BACH2: variants seen among roughly 807,000 people sequenced by gnomAD.
BACH2 encodes BACH transcriptional regulator 2.
In BACH2, 5 loss-of-function variants were observed where a neutral mutation model predicts 61.8. That is an observed-to-expected ratio of 0.08 (90% CI 0.04 to 0.17). The LOEUF is 0.17. Among genes scored for constraint, BACH2 ranks in the 10% least tolerant of loss-of-function variants. The pLI is 1.00. For missense variants in BACH2, 824 were observed against 1,091.1 expected (o/e 0.76, Z 3.45); for synonymous variants, 446 against 440.1 (o/e 1.01, Z -0.17).
At chr6:90,204,511 C>T (rs964798146) in intron 4 of BACH2, among the ~76,000 whole-genome samples, 1 of 152,096 alleles carries the variant, frequency 6.6e-6, no homozygotes, top group Non-Finnish European at 1.5e-5. Context: ...AAAGAACGTA[C>T]TGAGCCACTC....
rs147193617 is a variant in BACH2, at chr6:89,951,576, T to C, written c.530A>G (p.Lys177Arg). ...EEETMDSETA[K>R]MACPRDQMLP... is the part of the protein sequence containing the mutation. ...CATCTGGTCCCTGGGGCAAGCCATC[T>C]TGGCCGTCTCTGAATCCATCGTCTC... Residue 177 changes from lysine to arginine, a missense_variant, in exon 7 of 9, where the codon AAG (lysine) becomes AGG (arginine). Coordinates refer to ENST00000257749, the MANE Select transcript of BACH2 (RefSeq NM_021813.4). The surrounding 1 kb of genome is among the most constrained non-coding windows in gnomAD (Gnocchi z 6.4). The C allele has an allele frequency of 3.1e-6, 5 of 1,614,178 alleles. No individual in the cohort carries two copies. The highest frequency in any genetic ancestry group is 1.3e-5 in the African/African-American group (1 of 75,070).
intron 4 of BACH2, among the ~76,000 whole-genome samples, chr6:90,132,511 T>C (rs1784112658): frequency 6.6e-6 from 1 of 152,220 alleles, no homozygotes. Flanking sequence ...AATATTCATA[T>C]TCAGTTTTCA....
At chr6:90,276,806 AG>A (rs1487097730) in intron 1 of BACH2, among the ~76,000 whole-genome samples, 1 of 152,150 alleles carries the variant, frequency 6.6e-6, no homozygotes, top group Non-Finnish European at 1.5e-5. Flanking sequence ...ATCACACCTT[AG>A]TTTTCCACTA....
At chr6:89,957,489 C>A (rs1774488760) in intron 6 of BACH2, among the ~76,000 whole-genome samples, 1 of 152,040 alleles carries the variant, frequency 6.6e-6, no homozygotes, top group Non-Finnish European at 1.5e-5. Flanking sequence ...CTCAGCCTCC[C>A]AAAGTACTAG....
intron 6 of BACH2, among the ~76,000 whole-genome samples, chr6:90,001,975 C>T (rs189065918): frequency 2.6e-5 from 4 of 152,366 alleles, no homozygotes; most frequent in Middle Eastern, 3.4e-3. Context: ...GCCTTATTCT[C>T]TCTAGAACAC....
At chr6:90,108,567 C>T (rs1477381772) in intron 4 of BACH2, among the ~76,000 whole-genome samples, 3 of 152,164 alleles carry the variant, frequency 2.0e-5, no homozygotes, top group African/African-American at 7.2e-5. Flanking sequence ...CTTCTTCCTT[C>T]CCAGCTTGGG....
At chr6:90,066,258 A>G (rs1780958892) in intron 5 of BACH2, among the ~76,000 whole-genome samples, 1 of 152,184 alleles carries the variant, frequency 6.6e-6, no homozygotes, top group Admixed American at 6.5e-5. Flanking sequence ...AACACTGCAC[A>G]GGAATTCACG....
intron 5 of BACH2, among the ~76,000 whole-genome samples, chr6:90,012,584 G>A (rs987693212): frequency 1.3e-5 from 2 of 150,696 alleles, no homozygotes; most frequent in Non-Finnish European, 3.0e-5. Context: ...AGCTGAGATT[G>A]CGCCACTGCA....
rs1783911549 is a variant in BACH2 at position 90,127,652 on chromosome 6, T to C, written c.-161-38543A>G. 1.3e-5 allele frequency among the ~76,000 whole-genome samples: 2 copies of C among 152,198 alleles called. 1 individual carries two copies. Among genetic ancestry groups the C allele is most frequent in the East Asian group, 3.8e-4 (2 of 5,200 alleles). ...GAAAGAATGTAGTGTGATTTAATTATCTCAAGTTACCTGAGATGTTTAGAG... is the reference window on the plus strand; with the variant it reads ...GAAAGAATGTAGTGTGATTTAATTACCTCAAGTTACCTGAGATGTTTAGAG... On this transcript the variant is annotated intron_variant, in intron 4 of 8. Coordinates refer to ENST00000257749, the MANE Select transcript of BACH2 (RefSeq NM_021813.4).
In BACH2 at chr6:90,029,759, T is replaced by C. The variant is rs1778855366; in HGVS notation, c.-12-20903A>G. ...TCCTTCCAGCCTGTTTCTTCACACA[T>C]ATCCCTACGCTCTCCAGAGCTGCTT... On this transcript the variant is annotated intron_variant, in intron 5 of 8. Coordinates refer to ENST00000257749, the MANE Select transcript of BACH2 (RefSeq NM_021813.4). Among the ~76,000 whole-genome samples, 5 of 152,200 alleles carry C rather than the reference T, an allele frequency of 3.3e-5. No homozygotes were observed. The South Asian group carries it at 8.3e-4, about 25-fold the overall frequency.
intron 8 of BACH2, among the ~76,000 whole-genome samples, chr6:89,935,370 G>A (rs1772957232): frequency 6.6e-6 from 1 of 152,210 alleles, no homozygotes; most frequent in African/African-American, 2.4e-5. Flanking sequence ...GGCGCTGGGA[G>A]AGGAACCCCA....
At chr6:90,011,714 A>T (rs1409006650) in intron 5 of BACH2, among the ~76,000 whole-genome samples, 1 of 152,022 alleles carries the variant, frequency 6.6e-6, no homozygotes, top group Non-Finnish European at 1.5e-5. Context: ...CGAGGTCAGG[A>T]GTTCGAGACC....
chr6:90,257,980 T>C (rs1438989312), intron 2 of BACH2, among the ~76,000 whole-genome samples: 1 of 152,180 alleles, frequency 6.6e-6, no homozygotes, highest in African/African-American at 2.4e-5. Context: ...TTCACCATGT[T>C]GGCCAGGATG....
intron 5 of BACH2, among the ~76,000 whole-genome samples, chr6:90,087,385 G>A (rs1781977573): frequency 1.3e-5 from 2 of 152,000 alleles, no homozygotes; most frequent in Non-Finnish European, 2.9e-5. Flanking sequence ...CACTCACATC[G>A]ACTCAATGAA....
At chr6:90,041,265 C>T (rs1779519961) in intron 5 of BACH2, among the ~76,000 whole-genome samples, 1 of 151,750 alleles carries the variant, frequency 6.6e-6, no homozygotes, top group South Asian at 2.1e-4. Flanking sequence ...AACACTACAT[C>T]TACTAAAGCG....
At chr6:90,007,153 C>T (rs1000554489) in intron 6 of BACH2, among the ~76,000 whole-genome samples, 1 of 152,128 alleles carries the variant, frequency 6.6e-6, no homozygotes, top group African/African-American at 2.4e-5. Flanking sequence ...CAGCTCACTG[C>T]AACCTCCGCC....
chr6:90,153,281 T>C (rs1784890538), intron 4 of BACH2, among the ~76,000 whole-genome samples: 1 of 152,206 alleles, frequency 6.6e-6, no homozygotes, highest in South Asian at 2.1e-4. Flanking sequence ...TGGTGACTTA[T>C]AGTTCTTTCA....
intron 4 of BACH2, among the ~76,000 whole-genome samples, chr6:90,101,258 CTAATT>C (rs1204847027): frequency 5.3e-5 from 8 of 152,120 alleles, no homozygotes; most frequent in Non-Finnish European, 5.9e-5. Flanking sequence ...TCCCATTTAT[CTAATT>C]TTTCTTTTGT....
At chr6:90,168,392 C>T (rs1042365684) in intron 4 of BACH2, among the ~76,000 whole-genome samples, 18 of 152,122 alleles carry the variant, frequency 1.2e-4, no homozygotes, top group African/African-American at 3.9e-4. Flanking sequence ...GGTTAAAAAA[C>T]ATGGAAATTC....
Sources: allele counts gnomAD v4.1 joint callset (sites outside exome capture counted in the v4.1 genomes callset), GRCh38; gene constraint gnomAD v4.1.1; non-coding constraint Gnocchi (gnomAD v3.1); transcripts MANE v1.5; gene names NCBI Gene and HGNC (gene_info 2026-07-23, HGNC 2026-07-21).